PCDHA7: variants seen among roughly 807,000 people sequenced by gnomAD.
PCDHA7 encodes protocadherin alpha-7.
In PCDHA7, 37 loss-of-function variants were observed where a neutral mutation model predicts 57.2. That is an observed-to-expected ratio of 0.65 (90% CI 0.50 to 0.85). PCDHA7 has a LOEUF of 0.85. Among genes scored for constraint, PCDHA7 ranks in the 40% least tolerant of loss-of-function variants. The probability of loss-of-function intolerance (pLI) is 0.00; values close to 1 mark genes in which losing one functional copy is unlikely to be tolerated. For synonymous variants in PCDHA7, 553 were observed against 558.8 expected (o/e 0.99, Z 0.15); for missense variants, 1,188 against 1,241.8 (o/e 0.96, Z 0.65).
At chr5:140,878,103 G>GA (rs748975221) in intron 1 of PCDHA7, 34 of 261,730 alleles carry the variant, frequency 1.3e-4, no homozygotes, top group Non-Finnish European at 2.0e-4. Context: ...GATGAACCTT[G>GA]AAAAAAACAG....
chr5:140,990,554 A>T (rs555586765), intron 3 of PCDHA7, among the ~76,000 whole-genome samples: 1 of 152,308 alleles, frequency 6.6e-6, no homozygotes, highest in East Asian at 1.9e-4. Context: ...GTATTACCCA[A>T]GAACACACAC....
intron 1 of PCDHA7, among the ~76,000 whole-genome samples, chr5:140,896,222 A>G (rs1554186870): frequency 6.6e-6 from 1 of 152,222 alleles, no homozygotes; most frequent in Non-Finnish European, 1.5e-5. Context: ...ATGTGTCTTT[A>G]TAGTAGAATG....
intron 1 of PCDHA7, chr5:140,866,569 A>G (rs1366987361): frequency 6.6e-6 from 1 of 152,162 alleles, no homozygotes; most frequent in Non-Finnish European, 1.5e-5. Flanking sequence ...TTTTGTTAAT[A>G]CAGTGGTTGG....
intron 1 of PCDHA7, chr5:140,967,008 A>C: frequency 6.2e-7 from 1 of 1,606,216 alleles, no homozygotes. Context: ...CGCATCAACC[A>C]TCTGGGTGCG....
At chr5:140,929,250 G>A (rs995042103) in intron 1 of PCDHA7, 2 of 1,613,420 alleles carry the variant, frequency 1.2e-6, no homozygotes, top group Admixed American at 1.7e-5. Flanking sequence ...TTGCCACTGG[G>A]GTAGGACTGA....
At chr5:140,926,685 A>C in intron 1 of PCDHA7, 1 of 665,408 alleles carries the variant, frequency 1.5e-6, no homozygotes, top group Non-Finnish European at 2.3e-6. Context: ...CCTCCAGCCT[A>C]GCAAGCCCGG....
intron 1 of PCDHA7, chr5:140,836,962 C>T: frequency 2.5e-6 from 1 of 398,834 alleles, no homozygotes; most frequent in Non-Finnish European, 4.4e-6. Flanking sequence ...TTTATGTTGG[C>T]TACTCTCCAT....
intron 1 of PCDHA7, chr5:140,884,056 G>C (rs782776341): frequency 6.2e-7 from 1 of 1,613,476 alleles, no homozygotes; most frequent in African/African-American, 1.3e-5. Context: ...AGGTGCGCGC[G>C]GTGGACGCCG....
In PCDHA7 at chr5:140,835,693, C is replaced by T. The variant is rs1773848999; in HGVS notation, c.1310C>T (p.Ala437Val). Residue 437 changes from alanine to valine, a missense_variant, in exon 1 of 4, where the codon GCC becomes GTC. Coordinates refer to ENST00000525929, the MANE Select transcript of PCDHA7 (RefSeq NM_018910.3). Reference protein sequence around the residue: ...ARDGGSPSLWATASVSVEVAD... With the variant: ...ARDGGSPSLWVTASVSVEVAD... ...GACGGGGGCTCGCCTTCTCTGTGGGCCACTGCTAGCGTGTCCGTGGAGGTG... is the reference window on the plus strand; with the variant it reads ...GACGGGGGCTCGCCTTCTCTGTGGGTCACTGCTAGCGTGTCCGTGGAGGTG... 6.2e-7 allele frequency: 1 copy of T among 1,613,754 alleles called. No individual in the cohort carries two copies. Among genetic ancestry groups the T allele is most frequent in the African/African-American group, 1.3e-5 (1 of 74,924 alleles).
Position 140,927,828 on chromosome 5 carries a change from G to A in PCDHA7, c.2356-51121G>A, listed in dbSNP as rs782244639. The A allele has an allele frequency of 7.4e-6, 12 of 1,614,074 alleles. No individual in the cohort carries two copies. The South Asian group carries it at 9.9e-5, about 13-fold the overall frequency. On this transcript the variant is annotated intron_variant, in intron 1 of 3. Coordinates refer to ENST00000525929, the MANE Select transcript of PCDHA7 (RefSeq NM_018910.3). ...CGCTCTTGGAGGCATACATTGAGGC[G>A]AGGGACGAAGGTGTCTTTGGTTTAG...
At chr5:140,900,954 A>T (rs942765998) in intron 1 of PCDHA7, among the ~76,000 whole-genome samples, 3 of 152,204 alleles carry the variant, frequency 2.0e-5, no homozygotes, top group Non-Finnish European at 2.9e-5. Context: ...TTCTCTGATT[A>T]TCAGTGATGT....
intron 1 of PCDHA7, chr5:140,927,289 A>G: frequency 6.2e-7 from 1 of 1,614,172 alleles, no homozygotes; most frequent in Non-Finnish European, 8.5e-7. Flanking sequence ...GCAGCTGCAC[A>G]TCCCCGAGTT....
intron 1 of PCDHA7, among the ~76,000 whole-genome samples, chr5:140,945,769 T>C (rs1358082978): frequency 1.3e-5 from 2 of 152,036 alleles, no homozygotes; most frequent in Non-Finnish European, 2.9e-5. Flanking sequence ...TGGGACAATT[T>C]GATATCCAGA....
Position 140,834,353 on chromosome 5 carries a change from G to A in PCDHA7, c.-31G>A. ...TCCTATAAATTCGAAGGCAAGTTTT[G>A]CTGACTAGAAAAACAAGCCAATAAT... On this transcript the variant is annotated 5_prime_UTR_variant, in exon 1 of 4. Coordinates refer to ENST00000525929, the MANE Select transcript of PCDHA7 (RefSeq NM_018910.3). 6.5e-7 allele frequency: 1 copy of A among 1,537,316 alleles called. No individual in the cohort carries two copies. The highest frequency in any genetic ancestry group is 1.3e-5 in the South Asian group (1 of 78,498).
intron 1 of PCDHA7, among the ~76,000 whole-genome samples, chr5:140,942,794 A>C (rs782783696): frequency 2.6e-4 from 39 of 152,326 alleles, no homozygotes; most frequent in Middle Eastern, 3.4e-3. Flanking sequence ...TTACAAAGGC[A>C]TGTTTTCCAC....
chr5:140,893,866 C>T (rs915926825), intron 1 of PCDHA7, among the ~76,000 whole-genome samples: 5 of 152,102 alleles, frequency 3.3e-5, no homozygotes, highest in African/African-American at 1.2e-4. Context: ...TAGAAACAAC[C>T]CAGATCCAAA....
chr5:140,990,611 G>T lies in PCDHA7; in HGVS notation c.2503+8048G>T, dbSNP rs577900189. ...AATCACCTGGAGTCAGATGAATACCGTAAAGGTCTGTGGTAAGACTAGAAG... is the reference window on the plus strand; with the variant it reads ...AATCACCTGGAGTCAGATGAATACCTTAAAGGTCTGTGGTAAGACTAGAAG... On this transcript the variant is annotated intron_variant, in intron 3 of 3. Transcript: ENST00000525929. 5.3e-5 allele frequency among the ~76,000 whole-genome samples: 8 copies of T among 152,230 alleles called. No homozygotes were observed. In the East Asian group the frequency reaches 9.6e-4, roughly 18 times the overall value.
chr5:140,847,059 G>A (rs1780837481), intron 1 of PCDHA7, among the ~76,000 whole-genome samples: 1 of 149,712 alleles, frequency 6.7e-6, no homozygotes, highest in East Asian at 1.9e-4. Context: ...GACACAGAAA[G>A]CATCAATATG....
chr5:140,852,533 C>G (rs2150517773), intron 1 of PCDHA7: 2 of 491,290 alleles, frequency 4.1e-6, no homozygotes, highest in East Asian at 2.9e-4. Context: ...ACCTCGGCCT[C>G]CCAAAGTGCT....
Sources: allele counts gnomAD v4.1 joint callset (sites outside exome capture counted in the v4.1 genomes callset), GRCh38; gene constraint gnomAD v4.1.1; transcripts MANE v1.5; gene names NCBI Gene and HGNC (gene_info 2026-07-23, HGNC 2026-07-21).